PAK5: variants seen among roughly 807,000 people sequenced by gnomAD.
PAK5 encodes p21 (RAC1) activated kinase 5.
A neutral mutation model predicts 65.9 loss-of-function variants in PAK5; 16 were observed. That is an observed-to-expected ratio of 0.24 (90% confidence interval 0.16 to 0.37). The LOEUF (loss-of-function observed/expected upper bound fraction) is 0.37. Among genes scored for constraint, PAK5 ranks in the 10% least tolerant of loss-of-function variants. PAK5 has a pLI of 1.00. For synonymous variants in PAK5, 371 were observed against 354.9 expected (o/e 1.05, Z -0.51); for missense variants, 785 against 903.9 (o/e 0.87, Z 1.69).
chr20:9,731,363 T>C (rs1301779487), intron 1 of PAK5, among the ~76,000 whole-genome samples: 1 of 152,222 alleles, frequency 6.6e-6, no homozygotes, highest in East Asian at 1.9e-4. Flanking sequence ...TCAGCATGTA[T>C]CAGTAACACA....
At chr20:9,791,255 G>A (rs941328428) in intron 1 of PAK5, among the ~76,000 whole-genome samples, 1 of 152,110 alleles carries the variant, frequency 6.6e-6, no homozygotes, top group African/African-American at 2.4e-5. Flanking sequence ...ACCTAGCAGG[G>A]TGTCTTTGGG....
chr20:9,780,194 T>C (rs1175230448), intron 1 of PAK5, among the ~76,000 whole-genome samples: 4 of 151,882 alleles, frequency 2.6e-5, no homozygotes, highest in African/African-American at 9.7e-5. Context: ...ACACAATAAA[T>C]AACACTTCTA....
At chr20:9,644,085 T>C (rs1250504474) in intron 3 of PAK5, 40 bp downstream of exon 3, 1 of 1,497,572 alleles carries the variant, frequency 6.7e-7, no homozygotes, top group East Asian at 2.3e-5. Context: ...AATAAGAGCA[T>C]GATTCTTAAG....
intron 4 of PAK5, among the ~76,000 whole-genome samples, chr20:9,567,336 G>A (rs961574838): frequency 5.9e-5 from 9 of 152,102 alleles, no homozygotes; most frequent in Non-Finnish European, 1.0e-4. Context: ...ACTCTACTGG[G>A]TGTAAATGGA....
rs370994954 is a variant in PAK5, at chr20:9,829,752, T to TA, written c.-162+9009dup. Among the ~76,000 whole-genome samples, 1,137 of 152,184 alleles carry TA rather than the reference T, an allele frequency of 7.5e-3. 11 individuals are homozygous for TA. The highest frequency in any genetic ancestry group is 0.038 in the Middle Eastern group (11 of 292). ...AATATTTAAATACTATAAATCAAGC[T>TA]AAAAAAATGTTAATTTAAATGTGTT... On this transcript the variant is annotated intron_variant, in intron 1 of 9. Coordinates refer to ENST00000353224, the MANE Select transcript of PAK5 (RefSeq NM_177990.4).
At chr20:9,661,382 A>G (rs2047344387) in intron 2 of PAK5, among the ~76,000 whole-genome samples, 1 of 152,096 alleles carries the variant, frequency 6.6e-6, no homozygotes, top group South Asian at 2.1e-4. Flanking sequence ...TTATCTGCCT[A>G]AGATCCAGAC....
chr20:9,562,510 C>G (rs2045606420), intron 6 of PAK5, among the ~76,000 whole-genome samples: 1 of 152,174 alleles, frequency 6.6e-6, no homozygotes, highest in African/African-American at 2.4e-5. Context: ...CTCTCCCTGT[C>G]CCTTCCTTCC....
chr20:9,680,552 T>C (rs1381827656), intron 2 of PAK5, among the ~76,000 whole-genome samples: 1 of 152,176 alleles, frequency 6.6e-6, no homozygotes, highest in African/African-American at 2.4e-5. Context: ...GGACATTTAT[T>C]CAGCAATTCC....
chr20:9,568,561 G>A (rs897061045), intron 4 of PAK5, among the ~76,000 whole-genome samples: 9 of 152,230 alleles, frequency 5.9e-5, no homozygotes, highest in African/African-American at 1.9e-4. Context: ...CACTGTATTG[G>A]GATCAATCTG....
intron 1 of PAK5, among the ~76,000 whole-genome samples, chr20:9,814,876 A>T (rs1214876904): frequency 6.6e-6 from 1 of 152,156 alleles, no homozygotes; most frequent in African/African-American, 2.4e-5. Flanking sequence ...TTGCTATAAA[A>T]GTATACCTGA....
chr20:9,596,299 A>C (rs996845711), intron 3 of PAK5, among the ~76,000 whole-genome samples: 6 of 152,168 alleles, frequency 3.9e-5, no homozygotes, highest in African/African-American at 1.4e-4. Context: ...CTGCACAGAC[A>C]GAAAACTATA....
chr20:9,580,953 T>A, intron 3 of PAK5, 23 bp from the exon 4 acceptor site: 1 of 1,499,494 alleles, frequency 6.7e-7, no homozygotes, highest in Non-Finnish European at 9.0e-7. Flanking sequence ...GAGGGAATAT[T>A]GTTTAAAGAA....
intron 2 of PAK5, among the ~76,000 whole-genome samples, chr20:9,673,394 C>T (rs2047527210): frequency 6.6e-6 from 1 of 152,162 alleles, no homozygotes; most frequent in South Asian, 2.1e-4. Context: ...GTGTCAGTAT[C>T]TGTCAATAGA....
At chr20:9,818,614 G>A (rs916826578) in intron 1 of PAK5, 6 of 152,046 alleles carry the variant, frequency 3.9e-5, no homozygotes, top group African/African-American at 9.7e-5. Context: ...CACATAGACC[G>A]TAATATTCCT....
At chr20:9,828,294 A>C (rs1978436546) in intron 1 of PAK5, among the ~76,000 whole-genome samples, 1 of 152,264 alleles carries the variant, frequency 6.6e-6, no homozygotes, top group African/African-American at 2.4e-5. Context: ...AATAACTATT[A>C]TTCAAATATT....
chr20:9,815,100 T>C (rs1275557997), intron 1 of PAK5, among the ~76,000 whole-genome samples: 1 of 151,978 alleles, frequency 6.6e-6, no homozygotes, highest in African/African-American at 2.4e-5. Flanking sequence ...CAACAACTAG[T>C]TCTTGCAGGA....
At chr20:9,785,923 T>A (rs2048987916) in intron 1 of PAK5, among the ~76,000 whole-genome samples, 1 of 151,992 alleles carries the variant, frequency 6.6e-6, no homozygotes, top group Non-Finnish European at 1.5e-5. Context: ...GACCCACATA[T>A]CCTTGACCCT....
intron 1 of PAK5, among the ~76,000 whole-genome samples, chr20:9,801,615 G>C (rs564597056): frequency 1.3e-5 from 2 of 151,220 alleles, no homozygotes; most frequent in Admixed American, 1.3e-4. Flanking sequence ...AATATTACCA[G>C]GTAAACTATT....
intron 2 of PAK5, among the ~76,000 whole-genome samples, chr20:9,645,984 C>T (rs147184617): frequency 2.0e-4 from 30 of 152,350 alleles, no homozygotes; most frequent in Middle Eastern, 3.4e-3. Flanking sequence ...GTTTTAACTA[C>T]TAGAATGTAA....
Sources: gnomAD v4.1 joint callset for allele counts (sites outside exome capture counted in the v4.1 genomes callset) on GRCh38, gnomAD v4.1.1 for gene constraint, MANE v1.5 for transcripts, NCBI Gene and HGNC (gene_info 2026-07-23, HGNC 2026-07-21) for gene names.